Variants in SUPT3H observed in about 807,000 individuals in gnomAD.
SUPT3H encodes transcription initiation protein SPT3 homolog.
SUPT3H carries 44 observed loss-of-function variants against 44.3 expected under a neutral mutation model. That is an observed-to-expected ratio of 0.99 (90% CI 0.78 to 1.28). SUPT3H has a LOEUF of 1.28. Among genes scored for constraint, SUPT3H ranks in the 50% most tolerant of loss-of-function variants. The probability of loss-of-function intolerance (pLI) is 0.00; values close to 1 mark genes in which losing one functional copy is unlikely to be tolerated. For synonymous variants in SUPT3H, 124 were observed against 125.6 expected (o/e 0.99, Z 0.09); for missense variants, 380 against 387.1 (o/e 0.98, Z 0.15).
intron 2 of SUPT3H, among the ~76,000 whole-genome samples, chr6:45,273,374 T>G (rs1776517925): frequency 6.6e-6 from 1 of 152,184 alleles, no homozygotes; most frequent in South Asian, 2.1e-4. Flanking sequence ...ATACTTCTTG[T>G]GAAGCATCAG....
At chr6:45,237,951 A>G (rs1769516018) in intron 2 of SUPT3H, among the ~76,000 whole-genome samples, 1 of 152,172 alleles carries the variant, frequency 6.6e-6, no homozygotes, top group East Asian at 1.9e-4. Context: ...CATAGATTTA[A>G]AAGACTGTTT....
chr6:45,292,148 C>T (rs896779949), intron 2 of SUPT3H, among the ~76,000 whole-genome samples: 2 of 152,110 alleles, frequency 1.3e-5, no homozygotes, highest in Admixed American at 1.3e-4. Context: ...TCTCCTCAAA[C>T]AAAATGATTT....
chr6:45,134,251 C>A (rs1803929794), intron 2 of SUPT3H, among the ~76,000 whole-genome samples: 1 of 152,044 alleles, frequency 6.6e-6, no homozygotes. Context: ...CTCATGGTAA[C>A]TAATCCACTC....
chr6:44,998,655 T>G lies in SUPT3H; in HGVS notation c.504+4998A>C, dbSNP rs1267356595. ...CTTTTGCACCAACCTAATACTTATTTTTTATTTTTCTTATTTAGAGGTGAC... is the reference window on the plus strand; with the variant it reads ...CTTTTGCACCAACCTAATACTTATTGTTTATTTTTCTTATTTAGAGGTGAC... On this transcript the variant is annotated intron_variant, in intron 6 of 10. Transcript: ENST00000371459. 2.0e-5 allele frequency among the ~76,000 whole-genome samples: 3 copies of G among 151,798 alleles called. No homozygotes were observed. The East Asian group carries it at 5.8e-4, about 29-fold the overall frequency.
chr6:45,036,929 GCT>G (rs1008053033), intron 3 of SUPT3H, among the ~76,000 whole-genome samples: 24 of 152,024 alleles, frequency 1.6e-4, no homozygotes, highest in Non-Finnish European at 2.6e-4. Context: ...TGTGCAGGAA[GCT>G]TAAAGAGCAA....
chr6:45,041,446 G>A (rs888653035), intron 3 of SUPT3H, among the ~76,000 whole-genome samples: 1 of 152,024 alleles, frequency 6.6e-6, no homozygotes, highest in African/African-American at 2.4e-5. Context: ...CAAATAACTT[G>A]GTCTATATGA....
intron 2 of SUPT3H, among the ~76,000 whole-genome samples, chr6:45,235,542 C>A (rs1486426686): frequency 2.0e-5 from 3 of 151,890 alleles, no homozygotes; most frequent in Admixed American, 6.6e-5. Flanking sequence ...TAAATTGTAC[C>A]CAGTACCTAA....
intron 3 of SUPT3H, among the ~76,000 whole-genome samples, chr6:45,060,640 A>C (rs1021760520): frequency 1.3e-5 from 2 of 152,106 alleles, no homozygotes; most frequent in Non-Finnish European, 2.9e-5. Context: ...GGAAACTATC[A>C]TCAGAGTGAA....
intron 3 of SUPT3H, among the ~76,000 whole-genome samples, chr6:45,092,745 C>T (rs894735384): frequency 1.8e-5 from 1 of 54,526 alleles, no homozygotes; most frequent in African/African-American, 6.7e-5. Context: ...GGTGAGACTT[C>T]GTCTCAAAAA....
intron 2 of SUPT3H, among the ~76,000 whole-genome samples, chr6:45,180,181 A>C (rs1346416064): frequency 7.4e-6 from 1 of 134,486 alleles, no homozygotes; most frequent in African/African-American, 2.8e-5. Context: ...GACCTCTTCA[A>C]GGAGAACTAC....
intron 2 of SUPT3H, among the ~76,000 whole-genome samples, chr6:45,333,020 A>G (rs1363094312): frequency 6.6e-6 from 1 of 151,690 alleles, no homozygotes; most frequent in Non-Finnish European, 1.5e-5. Flanking sequence ...ATAACAATGA[A>G]CTCCAATACT....
intron 10 of SUPT3H, among the ~76,000 whole-genome samples, chr6:44,928,166 GATCGAA>G (rs1769834667): frequency 6.6e-6 from 1 of 152,084 alleles, no homozygotes; most frequent in South Asian, 2.1e-4. Flanking sequence ...TTAGCTCCAG[GATCGAA>G]GTTCTTAATC....
intron 10 of SUPT3H, among the ~76,000 whole-genome samples, chr6:44,834,407 A>T (rs1382660189): frequency 6.6e-6 from 1 of 152,164 alleles, no homozygotes; most frequent in Non-Finnish European, 1.5e-5. Flanking sequence ...TCTGTAGATT[A>T]GGCATTGCTT....
chr6:45,135,429 T>G (rs1054724323), intron 2 of SUPT3H, among the ~76,000 whole-genome samples: 3 of 152,150 alleles, frequency 2.0e-5, no homozygotes, highest in African/African-American at 7.2e-5. Context: ...AATTATAAAT[T>G]AAATTATTTA....
chr6:45,347,766 T>TTA (rs1554356010), intron 2 of SUPT3H, among the ~76,000 whole-genome samples: 14 of 148,642 alleles, frequency 9.4e-5, no homozygotes, highest in Non-Finnish European at 1.5e-4. Flanking sequence ...TTCTTTTTTT[T>TTA]AAAAAAAAAA....
chr6:45,234,395 G>A (rs1768671297), intron 2 of SUPT3H, among the ~76,000 whole-genome samples: 2 of 151,952 alleles, frequency 1.3e-5, no homozygotes, highest in African/African-American at 4.8e-5. Context: ...GCTGGGCATG[G>A]TGGTGGGCGC....
chr6:44,931,700 G>T (rs1257632097), intron 10 of SUPT3H, among the ~76,000 whole-genome samples: 1 of 151,860 alleles, frequency 6.6e-6, no homozygotes, highest in Non-Finnish European at 1.5e-5. Context: ...GTTACACAGA[G>T]AATCTATCTA....
At chr6:45,349,286 C>T (rs1204680907) in intron 2 of SUPT3H, among the ~76,000 whole-genome samples, 1 of 152,134 alleles carries the variant, frequency 6.6e-6, no homozygotes, top group East Asian at 1.9e-4. Context: ...AATGAGTCCA[C>T]TAAAATAAGG....
rs541256105 is a variant in SUPT3H at position 45,328,740 on chromosome 6, G to C, written c.101+36461C>G. ...AAAGGAGGGACTATGGCATCAAACA[G>C]CCTCTTCAGCACAGTGACACCATGT... On this transcript the variant is annotated intron_variant, in intron 2 of 10. Transcript: ENST00000371459. The C allele has an allele frequency of 6.2e-7, 1 of 1,612,108 alleles. No individual in the cohort carries two copies. Among genetic ancestry groups the C allele is most frequent in the Middle Eastern group, 1.7e-4 (1 of 6,048 alleles).
Sources: allele counts gnomAD v4.1 joint callset (sites outside exome capture counted in the v4.1 genomes callset), GRCh38; gene constraint gnomAD v4.1.1; transcripts MANE v1.5; gene names NCBI Gene and HGNC (gene_info 2026-07-23, HGNC 2026-07-21).